IPPK: variants seen among roughly 807,000 people sequenced by gnomAD.
IPPK encodes the protein inositol-pentakisphosphate 2-kinase.
Under a neutral mutation model 64.6 loss-of-function variants are expected in IPPK, and 22 were observed. The ratio of observed to expected loss-of-function variants is 0.34; its 90% CI spans 0.24 to 0.49. The LOEUF is 0.49. Among genes scored for constraint, IPPK ranks in the 20% least tolerant of loss-of-function variants. IPPK has a pLI of 0.99. For missense variants in IPPK, 532 were observed against 630.7 expected, an observed-to-expected ratio of 0.84 and a Z score of 1.68; for synonymous variants, 262 against 247.2, an observed-to-expected ratio of 1.06 and a Z score of -0.56.
In IPPK at chr9:92,648,091, C is replaced by T. The variant is rs1449741198; in HGVS notation, c.472G>A (p.Val158Ile). Residue 158 changes from valine (V) to isoleucine (I), a missense_variant, in exon 6 of 13, where the codon GTC (valine) becomes ATC (isoleucine). Transcript: ENST00000287996. ...TGCTGGTGCATGCAGTATCGACAGA[C>T]CTTATGCTTCATCTCATGCGTGACA... ...SDVTHEMKHK[V>I]CRYCMHQHLK... 1.2e-6 allele frequency: 2 copies of T among 1,613,660 alleles called. No individual in the cohort carries two copies. Among genetic ancestry groups the T allele is most frequent in the Admixed American group, 1.7e-5 (1 of 59,974 alleles).
intron 2 of IPPK, among the ~76,000 whole-genome samples, chr9:92,658,387 G>A (rs955972126): frequency 1.2e-4 from 19 of 152,214 alleles, no homozygotes; most frequent in Non-Finnish European, 4.4e-5. Context: ...CCTCTGAGCA[G>A]GACCTACAGG....
chr9:92,657,480 C>A (rs563105051), intron 2 of IPPK, among the ~76,000 whole-genome samples: 1 of 152,180 alleles, frequency 6.6e-6, no homozygotes, highest in Non-Finnish European at 1.5e-5. Flanking sequence ...GACACTGCCC[C>A]GGCCACTCCA....
chr9:92,647,908 A>C, intron 6 of IPPK, 151 bp downstream of exon 6: 1 of 609,424 alleles, frequency 1.6e-6, no homozygotes, highest in Non-Finnish European at 2.9e-6. Flanking sequence ...AAAAAATAAA[A>C]AAGTTGAACA....
intron 11 of IPPK, among the ~76,000 whole-genome samples, chr9:92,628,011 A>T (rs763958896): frequency 1.7e-4 from 26 of 152,246 alleles, no homozygotes; most frequent in Non-Finnish European, 3.2e-4. Context: ...CAAGATCAAT[A>T]TACAAAATCA....
In IPPK at chr9:92,623,788, A is replaced by G. The variant is rs184595963; in HGVS notation, c.1171-4223T>C. Among the ~76,000 whole-genome samples, 307 of 152,344 alleles carry G rather than the reference A, an allele frequency of 2.0e-3. 7 individuals carry two copies. Among genetic ancestry groups the G allele is most frequent in the Non-Finnish European group, 1.2e-3 (81 of 68,042 alleles). ...CGGTTGCAGGGAACATAATCAGGTA[A>G]AACTGTTTTACAGTAGCTACTGAAA... On this transcript the variant is annotated intron_variant, in intron 11 of 12. Coordinates refer to ENST00000287996, the MANE Select transcript of IPPK (RefSeq NM_022755.6).
chr9:92,633,204 G>A (rs1391324945), intron 11 of IPPK, among the ~76,000 whole-genome samples: 1 of 151,728 alleles, frequency 6.6e-6, no homozygotes, highest in African/African-American at 2.4e-5. Context: ...GTAGAGGTGG[G>A]GTTTGACCAT....
chr9:92,644,925 G>A (rs1852121654), intron 6 of IPPK, among the ~76,000 whole-genome samples: 1 of 152,136 alleles, frequency 6.6e-6, no homozygotes, highest in Admixed American at 6.5e-5. Context: ...TCACTAGACT[G>A]CCCTGAGGAA....
intron 11 of IPPK, among the ~76,000 whole-genome samples, chr9:92,631,397 T>C (rs1365318294): frequency 1.3e-5 from 2 of 152,130 alleles, no homozygotes; most frequent in Admixed American, 6.5e-5. Flanking sequence ...AGTTTTGCCA[T>C]GTTGGCCAGG....
chr9:92,616,226 A>G, intron 12 of IPPK, 169 bp from the exon 13 acceptor site: 1 of 568,684 alleles, frequency 1.8e-6, no homozygotes, highest in Non-Finnish European at 3.1e-6. Flanking sequence ...ATGGCCTCAC[A>G]CCCCAGCTCA....
intron 11 of IPPK, among the ~76,000 whole-genome samples, chr9:92,623,983 G>C (rs1178049558): frequency 6.6e-6 from 1 of 152,202 alleles, no homozygotes; most frequent in Non-Finnish European, 1.5e-5. Context: ...AGTACACTAA[G>C]TCCTCACTTA....
rs955097661 is a variant in IPPK at position 92,644,624 on chromosome 9, T to G, written c.505-1814A>C. ...TCAAAAACATTTAGAGGCAATTGTT[T>G]AACTTCATGGTTTCCTTGGAAGGAA... On this transcript the variant is annotated intron_variant, in intron 6 of 12. Transcript: ENST00000287996. Among the ~76,000 whole-genome samples the G allele has an allele frequency of 3.3e-5, 5 of 152,288 alleles. No individual in the cohort carries two copies. The East Asian group carries it at 7.7e-4, about 23-fold the overall frequency.
At chr9:92,616,131 T>C in intron 12 of IPPK, 74 bp from the exon 13 acceptor site, 1 of 1,011,018 alleles carries the variant, frequency 9.9e-7, no homozygotes, top group Non-Finnish European at 1.5e-6. Flanking sequence ...CTCTCTCCCT[T>C]TCTTCTTTCA....
intron 11 of IPPK, among the ~76,000 whole-genome samples, chr9:92,633,679 A>G (rs1340538534): frequency 6.6e-6 from 1 of 152,234 alleles, no homozygotes; most frequent in Non-Finnish European, 1.5e-5. Flanking sequence ...AGTAATATGT[A>G]ACATTTAATG....
chr9:92,649,409 G>A, intron 5 of IPPK, 44 bp downstream of exon 5: 1 of 1,611,910 alleles, frequency 6.2e-7, no homozygotes, highest in Non-Finnish European at 8.5e-7. Context: ...ACCCAAGACT[G>A]ACCTTTCCCC....
At chr9:92,624,058 C>T (rs1851690987) in intron 11 of IPPK, among the ~76,000 whole-genome samples, 1 of 152,326 alleles carries the variant, frequency 6.6e-6, no homozygotes, top group Admixed American at 6.5e-5. Flanking sequence ...AAAACTAGGC[C>T]AGGCACAGTG....
Position 92,615,754 on chromosome 9 carries a change from A to T in IPPK, c.*78T>A. The T allele has an allele frequency of 8.2e-7, 1 of 1,213,478 alleles. No individual in the cohort carries two copies. The highest frequency in any genetic ancestry group is 1.2e-6 in the Non-Finnish European group (1 of 833,756). The allele number at this position is 1,213,478 out of a possible 1,614,324, so 75.2% of individuals were successfully genotyped here. ...GCAAAAACATTCACAACCAAAGGTC[A>T]CCCAACACAACAGAAAATATCTCTA... On this transcript the variant is annotated 3_prime_UTR_variant, in exon 13 of 13. Transcript: ENST00000287996.
chr9:92,626,352 G>A (rs972112376), intron 11 of IPPK, among the ~76,000 whole-genome samples: 1 of 152,092 alleles, frequency 6.6e-6, no homozygotes, highest in African/African-American at 2.4e-5. Flanking sequence ...AGCCAAGATC[G>A]CACCACTGCA....
In IPPK at chr9:92,669,910, G is replaced by A. The variant is rs769237022; in HGVS notation, c.79C>T (p.Gln27Ter). 2 of 1,610,568 alleles carry A rather than the reference G, an allele frequency of 1.2e-6. No homozygotes were observed. The highest frequency in any genetic ancestry group is 8.5e-7 in the Non-Finnish European group (1 of 1,177,880). ...TGCGCCGCACGTCCACCGCTCACCT[G>A]CGCGTGGGCCACCACCAGGCTCTTA... The part of the protein sequence containing the change: ...GNKSLVVAHA[Q>*]RCVVLRFLKF... The change falls in exon 1 of 13, where the codon CAG becomes TAG. Residue 27 changes from glutamine to a stop codon, truncating the protein, a stop_gained and splice_region_variant. Coordinates refer to ENST00000287996, the MANE Select transcript of IPPK (RefSeq NM_022755.6). LOFTEE classifies it high-confidence loss of function.
chr9:92,652,526 G>T, intron 4 of IPPK, 47 bp downstream of exon 4: 1 of 996,564 alleles, frequency 1.0e-6, no homozygotes, highest in Non-Finnish European at 1.5e-6. Flanking sequence ...CTTTTCAAAT[G>T]GAATATTTTA....
Sources: gnomAD v4.1 joint callset for allele counts (sites outside exome capture counted in the v4.1 genomes callset) on GRCh38, gnomAD v4.1.1 for gene constraint, MANE v1.5 for transcripts, NCBI Gene and HGNC (gene_info 2026-07-23, HGNC 2026-07-21) for gene names.